SASH1: variants seen among roughly 807,000 people sequenced by gnomAD.
SASH1 encodes the protein SAM and SH3 domain-containing protein 1.
In SASH1, 44 loss-of-function variants were observed where a neutral mutation model predicts 125.2. That is an observed-to-expected ratio of 0.35 (90% CI 0.28 to 0.45). The LOEUF is 0.45. Among genes scored for constraint, SASH1 ranks in the 20% least tolerant of loss-of-function variants. The pLI is 1.00. For missense variants in SASH1, 1,426 were observed against 1,614.5 expected (o/e 0.88, Z 2.00); for synonymous variants, 639 against 649.1 (o/e 0.98, Z 0.24).
At chr6:148,547,206 T>C (rs916651568) in intron 19 of SASH1, among the ~76,000 whole-genome samples, 2 of 152,176 alleles carry the variant, frequency 1.3e-5, no homozygotes, top group East Asian at 1.9e-4. Flanking sequence ...TTGGGGGCCA[T>C]TGTAAGGTCA....
intron 4 of SASH1, among the ~76,000 whole-genome samples, chr6:148,448,976 C>CTGTT (rs1776943267): frequency 6.6e-6 from 1 of 152,114 alleles, no homozygotes; most frequent in Admixed American, 6.5e-5. Flanking sequence ...TTGCCAAATC[C>CTGTT]TGTTTTTCAA....
At chr6:148,286,336 G>A (rs1779481933) in intron 1 of SASH1, among the ~76,000 whole-genome samples, 1 of 152,014 alleles carries the variant, frequency 6.6e-6, no homozygotes, top group South Asian at 2.1e-4. Flanking sequence ...GGGAGGCGGA[G>A]GTTGCTGTGA....
chr6:148,202,790 C>T, the SASH1 span, among the ~76,000 whole-genome samples: 1 of 152,088 alleles, frequency 6.6e-6, no homozygotes, highest in African/African-American at 2.4e-5. Context: ...TCTGTCTCTA[C>T]TAAAAATACA....
At chr6:148,445,962 A>G (rs1562416223) in intron 4 of SASH1, among the ~76,000 whole-genome samples, 1 of 152,100 alleles carries the variant, frequency 6.6e-6, no homozygotes, top group Admixed American at 6.5e-5. Context: ...AAGTCATGGT[A>G]TGGAGAAAAA....
chr6:148,374,813 C>T (rs1782829965), intron 1 of SASH1, among the ~76,000 whole-genome samples: 2 of 152,094 alleles, frequency 1.3e-5, no homozygotes, highest in African/African-American at 4.8e-5. Context: ...TCTCCTGCCT[C>T]AGCCTCCTGA....
chr6:148,221,581 C>T, the SASH1 span, among the ~76,000 whole-genome samples: 3 of 152,166 alleles, frequency 2.0e-5, no homozygotes, highest in Non-Finnish European at 4.4e-5. Flanking sequence ...ACCTGGATCC[C>T]ACAGAATTTA....
the SASH1 span, among the ~76,000 whole-genome samples, chr6:148,220,881 T>A: frequency 6.6e-6 from 1 of 152,180 alleles, no homozygotes; most frequent in Non-Finnish European, 1.5e-5. Flanking sequence ...GCCACTGCAC[T>A]CCAGTCTGGG....
chr6:148,311,098 T>C (rs1281763131), intron 1 of SASH1, among the ~76,000 whole-genome samples: 5 of 143,528 alleles, frequency 3.5e-5, no homozygotes, highest in East Asian at 2.0e-4. Context: ...TCTTTTCTTT[T>C]TTTTTTTCTT....
At chr6:148,320,274 T>G (rs1322133040) in intron 1 of SASH1, among the ~76,000 whole-genome samples, 1 of 152,194 alleles carries the variant, frequency 6.6e-6, no homozygotes, top group African/African-American at 2.4e-5. Flanking sequence ...TGGAAAGATC[T>G]GGACAAGACC....
chr6:148,454,189 A>G (rs574123081), intron 4 of SASH1, among the ~76,000 whole-genome samples: 72 of 152,282 alleles, frequency 4.7e-4, no homozygotes, highest in Non-Finnish European at 7.9e-4. Flanking sequence ...AGCTCCACAC[A>G]TCACAGGCCC....
At chr6:148,299,097 T>C (rs560729519) in intron 1 of SASH1, among the ~76,000 whole-genome samples, 1 of 152,272 alleles carries the variant, frequency 6.6e-6, no homozygotes, top group South Asian at 2.1e-4. Context: ...AAGGAGGGAA[T>C]TCATTCAACA....
chr6:148,531,373 T>TGTAA (rs924827934), intron 12 of SASH1, among the ~76,000 whole-genome samples, 153 bp from the exon 13 acceptor site: 5 of 152,188 alleles, frequency 3.3e-5, no homozygotes, highest in African/African-American at 7.2e-5. Flanking sequence ...TAAGCGAGGA[T>TGTAA]GTAAGTTTAA....
the SASH1 span, among the ~76,000 whole-genome samples, chr6:148,262,842 C>T: frequency 1.3e-5 from 2 of 152,130 alleles, no homozygotes; most frequent in Non-Finnish European, 2.9e-5. Context: ...AAGTGCGCTC[C>T]AGCCTGGGTG....
intron 10 of SASH1, chr6:148,520,454 C>T (rs914542658): frequency 3.1e-4 from 48 of 154,592 alleles, no homozygotes; most frequent in African/African-American, 1.1e-3. Context: ...TATGGCCTTT[C>T]TTCTGCGGGG....
intron 1 of SASH1, among the ~76,000 whole-genome samples, chr6:148,365,502 G>A (rs1782414520): frequency 6.6e-6 from 1 of 151,562 alleles, no homozygotes; most frequent in African/African-American, 2.4e-5. Context: ...GATGAGGAGG[G>A]GGTCATACTG....
intron 9 of SASH1, among the ~76,000 whole-genome samples, chr6:148,516,985 C>T (rs984388036): frequency 2.0e-5 from 3 of 152,184 alleles, no homozygotes; most frequent in Non-Finnish European, 4.4e-5. Context: ...ACCTAGGCTA[C>T]ATTGGTGCCC....
At chr6:148,435,896 A>G (rs1366523855) in intron 2 of SASH1, among the ~76,000 whole-genome samples, 1 of 152,192 alleles carries the variant, frequency 6.6e-6, no homozygotes, top group Non-Finnish European at 1.5e-5. Context: ...ATACAGTGCA[A>G]TATTTTGACC....
At chr6:148,435,846 A>G (rs1776271812) in intron 2 of SASH1, among the ~76,000 whole-genome samples, 1 of 152,172 alleles carries the variant, frequency 6.6e-6, no homozygotes, top group Admixed American at 6.5e-5. Context: ...ATTTTCTATA[A>G]TCATAGGTTT....
chr6:148,435,378 CAAAAA>C (rs35272119), intron 2 of SASH1, among the ~76,000 whole-genome samples: 5 of 104,424 alleles, frequency 4.8e-5, no homozygotes, highest in Admixed American at 1.0e-4. Flanking sequence ...GACTCTGACT[CAAAAA>C]AAAAAAAAAA....
Sources: gnomAD v4.1 joint callset for allele counts (sites outside exome capture counted in the v4.1 genomes callset) on GRCh38, gnomAD v4.1.1 for gene constraint, MANE v1.5 for transcripts, NCBI Gene and HGNC (gene_info 2026-07-23, HGNC 2026-07-21) for gene names.